GPR143: variants seen among roughly 807,000 people sequenced by gnomAD.
GPR143 encodes G-protein coupled receptor 143.
Under a neutral mutation model 27.6 loss-of-function variants are expected in GPR143, and 8 were observed. The ratio of observed to expected loss-of-function variants is 0.29; its 90% CI spans 0.17 to 0.52. The LOEUF (loss-of-function observed/expected upper bound fraction) is 0.52. Among genes scored for constraint, GPR143 ranks in the 20% least tolerant of loss-of-function variants. GPR143 has a pLI of 0.96. For synonymous variants in GPR143, 156 were observed against 153.2 expected (o/e 1.02, Z -0.13); for missense variants, 303 against 343.1 (o/e 0.88, Z 0.92).
At chrX:9,766,083 G>T, upstream of GPR143, 1 of 240,509 alleles carries the variant, frequency 4.2e-6, no homozygotes, top group Non-Finnish European at 7.5e-6. Flanking sequence ...GAGGAGGAGG[G>T]AAGTGGAAGG....
upstream of GPR143, among the ~76,000 whole-genome samples, chrX:9,770,323 AAGAGAG>A (rs201287124): frequency 2.6e-3 from 232 of 89,018 alleles, 3 homozygotes; most frequent in African/African-American, 8.4e-3. Context: ...AAGAAAGAAA[AAGAGAG>A]AGAGAGAGAG....
intron 8 of GPR143, among the ~76,000 whole-genome samples, chrX:9,726,938 G>A (rs772836724): frequency 2.7e-4 from 31 of 112,747 alleles, no homozygotes; most frequent in Admixed American, 1.7e-3. Context: ...TCAGCAGTAT[G>A]AAAGTTAACA....
At chrX:9,735,515 C>A (rs182086084) in intron 8 of GPR143, among the ~76,000 whole-genome samples, 38 of 111,185 alleles carry the variant, frequency 3.4e-4, no homozygotes, top group African/African-American at 1.2e-3. Flanking sequence ...CCAAAACCAA[C>A]TTAGTCCTGC....
chrX:9,778,369 C>T (rs954883305), intron 1 of GPR143, among the ~76,000 whole-genome samples: 1 of 111,688 alleles, frequency 9.0e-6, no homozygotes, highest in East Asian at 2.8e-4. Context: ...CTCGCTCCCA[C>T]GTCTTTCTGA....
intron 8 of GPR143, among the ~76,000 whole-genome samples, chrX:9,729,312 C>G (rs887650033): frequency 2.9e-4 from 32 of 111,293 alleles, no homozygotes; most frequent in African/African-American, 1.0e-3. Context: ...TTCTGTGGTT[C>G]TTTTCAAATA....
intron 8 of GPR143, among the ~76,000 whole-genome samples, chrX:9,726,312 G>A (rs977001584): frequency 9.0e-6 from 1 of 111,524 alleles, no homozygotes; most frequent in Non-Finnish European, 1.9e-5. Context: ...AGTGCCCAAA[G>A]GGAGGGAGAC....
At chrX:9,741,684 T>C (rs1303505563) in intron 6 of GPR143, among the ~76,000 whole-genome samples, 3 of 110,843 alleles carry the variant, frequency 2.7e-5, no homozygotes, top group Non-Finnish European at 5.7e-5. Context: ...CCCAGGAGTC[T>C]GAGACCAGCC....
At chrX:9,768,925 G>A (rs1370506126), upstream of GPR143, among the ~76,000 whole-genome samples, 3 of 111,236 alleles carry the variant, frequency 2.7e-5, no homozygotes, top group Non-Finnish European at 3.8e-5. Context: ...TGATCCACCC[G>A]CTTTGGCCTC....
At chrX:9,743,051 G>A (rs568409342) in intron 6 of GPR143, among the ~76,000 whole-genome samples, 8 of 110,020 alleles carry the variant, frequency 7.3e-5, no homozygotes, top group Admixed American at 6.8e-4. Flanking sequence ...AGGTTGCAGC[G>A]AGCTGAGATC....
intron 4 of GPR143, among the ~76,000 whole-genome samples, chrX:9,746,373 G>A (rs1005435696): frequency 1.8e-5 from 2 of 111,108 alleles, no homozygotes; most frequent in Non-Finnish European, 3.8e-5. Flanking sequence ...TCTCAGAAAT[G>A]GGAGGACCCC....
At chrX:9,771,890 T>C (rs1391633053) in intron 1 of GPR143, among the ~76,000 whole-genome samples, 1 of 109,732 alleles carries the variant, frequency 9.1e-6, no homozygotes, top group Non-Finnish European at 1.9e-5. Context: ...TTGGTATTTT[T>C]AGTAGAGGTA....
upstream of GPR143, among the ~76,000 whole-genome samples, chrX:9,770,160 CAAAAAAAAAAAA>C (rs55901901): frequency 1.5e-3 from 41 of 26,828 alleles, no homozygotes; most frequent in African/African-American, 3.1e-3. Flanking sequence ...CTCCCCCAGT[CAAAAAAAAAAAA>C]AAAAAAAAAA....
chrX:9,755,490 TA>T (rs34266967), intron 3 of GPR143, among the ~76,000 whole-genome samples: 279 of 74,999 alleles, frequency 3.7e-3, no homozygotes, highest in African/African-American at 5.9e-3. Flanking sequence ...AAACTCCATC[TA>T]AAAAAAAAAA....
At chrX:9,758,786 G>A (rs1420186058) in intron 3 of GPR143, among the ~76,000 whole-genome samples, 1 of 110,847 alleles carries the variant, frequency 9.0e-6, no homozygotes, top group Non-Finnish European at 1.9e-5. Context: ...GACTGAGGAG[G>A]CCGAGGTGGA....
At chrX:9,744,600 G>C (rs1039562089) in intron 5 of GPR143, among the ~76,000 whole-genome samples, 2 of 111,026 alleles carry the variant, frequency 1.8e-5, no homozygotes, top group East Asian at 5.7e-4. Flanking sequence ...AGCTACTCGG[G>C]AGGCTGAGGC....
At chrX:9,738,823 A>T (rs973912136) in intron 8 of GPR143, among the ~76,000 whole-genome samples, 4 of 111,858 alleles carry the variant, frequency 3.6e-5, no homozygotes, top group African/African-American at 1.3e-4. Flanking sequence ...GGTTTTCACC[A>T]TGTTGGTCAG....
At chrX:9,750,438 G>T (rs1408702476) in intron 3 of GPR143, among the ~76,000 whole-genome samples, 2 of 110,242 alleles carry the variant, frequency 1.8e-5, no homozygotes, top group African/African-American at 6.6e-5. Context: ...CAAACTCCTG[G>T]CCTCAGTGAT....
intron 6 of GPR143, among the ~76,000 whole-genome samples, chrX:9,742,774 G>A (rs2146686816): frequency 8.9e-6 from 1 of 111,744 alleles, no homozygotes; most frequent in South Asian, 3.7e-4. Context: ...TCAGGCACAG[G>A]AATTCTGGTG....
At chrX:9,766,024 G>T, upstream of GPR143, 1 of 295,507 alleles carries the variant, frequency 3.4e-6, no homozygotes, top group Admixed American at 6.3e-5. Flanking sequence ...TTGGGCGGGC[G>T]GAGGAGGAGG....
Sources: gnomAD v4.1 joint callset for allele counts (sites outside exome capture counted in the v4.1 genomes callset) on GRCh38, gnomAD v4.1.1 for gene constraint, MANE v1.5 for transcripts, NCBI Gene and HGNC (gene_info 2026-07-23, HGNC 2026-07-21) for gene names.